KHDRBS2: variants seen among roughly 807,000 people sequenced by gnomAD.
The protein encoded by KHDRBS2 is KH domain-containing, RNA-binding, signal transduction-associated protein 2.
In KHDRBS2, 26 loss-of-function variants were observed where a neutral mutation model predicts 44.3. That is an observed-to-expected ratio of 0.59 (90% CI 0.43 to 0.81). The LOEUF is 0.81. KHDRBS2 is among the 40% of genes least tolerant of loss of function. KHDRBS2 has a pLI of 0.00. For missense variants in KHDRBS2, 476 were observed against 433.1 expected (o/e 1.10, Z -0.88); for synonymous variants, 194 against 151.1 (o/e 1.28, Z -2.08).
At chr6:62,175,770 G>T (rs1163784705) in intron 2 of KHDRBS2, among the ~76,000 whole-genome samples, 2 of 151,404 alleles carry the variant, frequency 1.3e-5, no homozygotes, top group Non-Finnish European at 3.0e-5. Flanking sequence ...TCTTATTTCG[G>T]TATTCATCAT....
chr6:61,893,304 C>A (rs1171287551), intron 6 of KHDRBS2, among the ~76,000 whole-genome samples: 1 of 152,184 alleles, frequency 6.6e-6, no homozygotes, highest in Non-Finnish European at 1.5e-5. Flanking sequence ...GTTGGTGCGA[C>A]TGTAAACTAG....
At chr6:61,897,052 T>G (rs149750754) in intron 5 of KHDRBS2, among the ~76,000 whole-genome samples, 1 of 152,322 alleles carries the variant, frequency 6.6e-6, no homozygotes, top group East Asian at 1.9e-4. Context: ...GGTTGCACCC[T>G]GCAATCCCTA....
intron 2 of KHDRBS2, among the ~76,000 whole-genome samples, chr6:62,128,665 TTTAA>T (rs1809536722): frequency 1.1e-5 from 1 of 93,782 alleles, no homozygotes; most frequent in South Asian, 3.1e-4. Flanking sequence ...AGTCAACTGC[TTTAA>T]TTTTTTTTTG....
chr6:62,152,007 C>A (rs1815300750), intron 2 of KHDRBS2, among the ~76,000 whole-genome samples: 1 of 152,116 alleles, frequency 6.6e-6, no homozygotes, highest in East Asian at 1.9e-4. Context: ...TTAGTGTTTT[C>A]ATCTGCTATA....
chr6:62,125,481 T>C (rs572395017), intron 2 of KHDRBS2, among the ~76,000 whole-genome samples: 118 of 152,266 alleles, frequency 7.7e-4, no homozygotes, highest in Non-Finnish European at 8.8e-4. Context: ...GCCAGTGGAC[T>C]TGGGGGGCAA....
At chr6:62,013,556 T>C (rs976892198) in intron 3 of KHDRBS2, among the ~76,000 whole-genome samples, 2 of 152,082 alleles carry the variant, frequency 1.3e-5, no homozygotes, top group African/African-American at 4.8e-5. Context: ...CAATGTAAAA[T>C]CATAGCAAAA....
chr6:62,115,095 G>A (rs1353492271), intron 2 of KHDRBS2, among the ~76,000 whole-genome samples: 2 of 152,030 alleles, frequency 1.3e-5, no homozygotes, highest in African/African-American at 4.8e-5. Flanking sequence ...AAATGATTCT[G>A]AATTTTCTTG....
intron 1 of KHDRBS2, among the ~76,000 whole-genome samples, chr6:62,236,731 A>G (rs1422252477): frequency 6.6e-6 from 1 of 152,156 alleles, no homozygotes; most frequent in Admixed American, 6.5e-5. Flanking sequence ...AAAATACTTG[A>G]AAGTTGCCAC....
chr6:61,671,959 T>A, the KHDRBS2 span, among the ~76,000 whole-genome samples: 1 of 151,950 alleles, frequency 6.6e-6, no homozygotes, highest in East Asian at 1.9e-4. Flanking sequence ...ACTCGTCATC[T>A]AGCATTAGGT....
At chr6:62,013,219 T>C (rs1780616234) in intron 3 of KHDRBS2, among the ~76,000 whole-genome samples, 1 of 152,194 alleles carries the variant, frequency 6.6e-6, no homozygotes, top group Admixed American at 6.5e-5. Flanking sequence ...TACTTCTAGA[T>C]AGCAGTATGG....
the KHDRBS2 span, among the ~76,000 whole-genome samples, chr6:61,543,119 C>T: frequency 9.9e-5 from 15 of 151,816 alleles, no homozygotes; most frequent in Non-Finnish European, 2.1e-4. Flanking sequence ...AATGGGATCA[C>T]ATCATGTTAA....
intron 2 of KHDRBS2, among the ~76,000 whole-genome samples, chr6:62,095,120 G>A (rs1458653038): frequency 6.6e-6 from 1 of 151,642 alleles, no homozygotes; most frequent in Admixed American, 6.6e-5. Context: ...TATTTTGATG[G>A]AGATTGCATT....
chr6:62,023,015 GC>G (rs1337743500), intron 3 of KHDRBS2, among the ~76,000 whole-genome samples: 14 of 151,598 alleles, frequency 9.2e-5, no homozygotes, highest in Non-Finnish European at 1.6e-4. Context: ...GAACAAAAGG[GC>G]AGGCTTGTAT....
intron 2 of KHDRBS2, among the ~76,000 whole-genome samples, chr6:62,064,058 G>C (rs1054487053): frequency 7.3e-6 from 1 of 136,826 alleles, no homozygotes; most frequent in Non-Finnish European, 1.6e-5. Context: ...AAATACCTAG[G>C]AATCCAACTT....
At chr6:61,620,872 C>G in the KHDRBS2 span, among the ~76,000 whole-genome samples, 10 of 152,334 alleles carry the variant, frequency 6.6e-5, no homozygotes, top group African/African-American at 2.4e-4. Flanking sequence ...GCTCCTGCTA[C>G]CCATTCTTCC....
At chr6:61,575,183 A>G in the KHDRBS2 span, among the ~76,000 whole-genome samples, 1 of 152,240 alleles carries the variant, frequency 6.6e-6, no homozygotes, top group Non-Finnish European at 1.5e-5. Context: ...GACAGCCCAC[A>G]GAGTGGGAGA....
chr6:62,128,520 A>G (rs549862114), intron 2 of KHDRBS2, among the ~76,000 whole-genome samples: 4 of 150,704 alleles, frequency 2.7e-5, no homozygotes, highest in African/African-American at 9.7e-5. Context: ...CAAAAATTTA[A>G]TGATCTCTAA....
intron 6 of KHDRBS2, among the ~76,000 whole-genome samples, chr6:61,792,204 G>A (rs751712446): frequency 5.3e-5 from 8 of 151,416 alleles, no homozygotes. Context: ...TACAACATTA[G>A]AACATTGTAA....
At chr6:62,148,839 T>C (rs979169784) in intron 2 of KHDRBS2, among the ~76,000 whole-genome samples, 16 of 152,112 alleles carry the variant, frequency 1.1e-4, no homozygotes, top group Non-Finnish European at 1.5e-4. Flanking sequence ...CTCTGCCCTA[T>C]GTTTATTTTA....
Sources: allele counts gnomAD v4.1 joint callset (sites outside exome capture counted in the v4.1 genomes callset), GRCh38; gene constraint gnomAD v4.1.1; transcripts MANE v1.5; gene names NCBI Gene and HGNC (gene_info 2026-07-23, HGNC 2026-07-21).